The following CASK variants were observed in gnomAD, a reference collection of about 807,000 sequenced individuals.
CASK encodes calcium/calmodulin dependent serine protein kinase.
Under a neutral mutation model 82.9 loss-of-function variants are expected in CASK, and 4 were observed. That is an observed-to-expected ratio of 0.05 (90% CI 0.02 to 0.11). The LOEUF is 0.11. CASK is among the 10% of genes least tolerant of loss of function. CASK has a pLI of 1.00. For synonymous variants in CASK, 259 were observed against 253.5 expected, an observed-to-expected ratio of 1.02 and a Z score of -0.20; for missense variants, 358 against 720.9, an observed-to-expected ratio of 0.50 and a Z score of 5.76.
At chrX:41,548,168 T>C in intron 21 of CASK, among the ~76,000 whole-genome samples, 2 of 112,168 alleles carry the variant, frequency 1.8e-5, no homozygotes, top group East Asian at 5.6e-4. Context: ...TCTGCATCTA[T>C]TGATATGACT....
At chrX:41,906,914 T>C (rs1045181896) in intron 1 of CASK, among the ~76,000 whole-genome samples, 2 of 112,803 alleles carry the variant, frequency 1.8e-5, no homozygotes, top group African/African-American at 6.4e-5. Flanking sequence ...CAGAAGACAG[T>C]AAAGCTCAAA....
intron 2 of CASK, among the ~76,000 whole-genome samples, chrX:41,809,773 G>A (rs1054456270): frequency 8.1e-5 from 9 of 111,716 alleles, no homozygotes; most frequent in Admixed American, 2.8e-4. Context: ...AGAAGGCTTC[G>A]GATGATTAAA....
intron 16 of CASK, among the ~76,000 whole-genome samples, chrX:41,566,948 T>C (rs779890735): frequency 8.9e-6 from 1 of 111,914 alleles, no homozygotes; most frequent in Non-Finnish European, 1.9e-5. Context: ...TCTACAACCA[T>C]CTGATCTTTG....
At chrX:41,609,380 G>T (rs1331060563) in intron 12 of CASK, among the ~76,000 whole-genome samples, 2 of 111,871 alleles carry the variant, frequency 1.8e-5, no homozygotes, top group Non-Finnish European at 3.8e-5. Context: ...CTCCCAAAGT[G>T]CTGGGATTAC....
intron 2 of CASK, among the ~76,000 whole-genome samples, chrX:41,820,902 C>T (rs2070523915): frequency 9.0e-6 from 1 of 111,050 alleles, no homozygotes; most frequent in Non-Finnish European, 1.9e-5. Context: ...AATGGCTACC[C>T]ATGAATCTCA....
At chrX:41,694,351 G>A (rs1463602494) in intron 5 of CASK, among the ~76,000 whole-genome samples, 1 of 111,932 alleles carries the variant, frequency 8.9e-6, no homozygotes, top group Admixed American at 9.5e-5. Flanking sequence ...AGTGGCTGCT[G>A]TAGAGAAATA....
chrX:41,746,748 C>A (rs947113461), intron 3 of CASK, among the ~76,000 whole-genome samples: 2 of 111,856 alleles, frequency 1.8e-5, no homozygotes, highest in Non-Finnish European at 3.8e-5. Flanking sequence ...AGTAAAGGAA[C>A]TAACATACTT....
chrX:41,772,663 T>C (rs1362241762), intron 3 of CASK, among the ~76,000 whole-genome samples: 2 of 111,702 alleles, frequency 1.8e-5, no homozygotes, highest in African/African-American at 6.5e-5. Flanking sequence ...TTGAAAACTC[T>C]GGCCTGGATG....
chrX:41,541,349 C>T (rs758973516), intron 22 of CASK, among the ~76,000 whole-genome samples: 6 of 112,271 alleles, frequency 5.3e-5, no homozygotes, highest in Admixed American at 1.9e-4. Context: ...GCACCACCAC[C>T]GTGCCTGGCT....
At chrX:41,595,475 A>G (rs901007566) in intron 12 of CASK, among the ~76,000 whole-genome samples, 1 of 110,977 alleles carries the variant, frequency 9.0e-6, no homozygotes, top group Non-Finnish European at 1.9e-5. Flanking sequence ...TGTGGTGGTG[A>G]TTGCCTGTAG....
chrX:41,657,382 G>C (rs2066957887), intron 8 of CASK, among the ~76,000 whole-genome samples: 1 of 112,531 alleles, frequency 8.9e-6, no homozygotes, highest in African/African-American at 3.2e-5. Context: ...AAGATCAATG[G>C]AAAGCCTGCA....
At chrX:41,922,731 A>G (rs1376530911) in intron 1 of CASK, among the ~76,000 whole-genome samples, 199 bp downstream of exon 1, 11 of 111,198 alleles carry the variant, frequency 9.9e-5, no homozygotes, top group African/African-American at 3.3e-4. Flanking sequence ...GGTGGCCTCA[A>G]TGGACCGCTG....
chrX:41,876,046 A>C (rs1419276225), intron 1 of CASK, among the ~76,000 whole-genome samples: 1 of 111,703 alleles, frequency 9.0e-6, no homozygotes, highest in African/African-American at 3.2e-5. Flanking sequence ...TTACCATAGA[A>C]GCATAAAAGG....
rs73193134 is a variant in CASK, at chrX:41,734,793, C to G, written c.429+4591G>C. Among the ~76,000 whole-genome samples, 858 of 111,324 alleles carry G rather than the reference C, an allele frequency of 7.7e-3. 5 individuals carry two copies. The highest frequency in any genetic ancestry group is 0.011 in the Non-Finnish European group (604 of 53,067). ...CTACAATTCCCAGGACAGCCTCCCA[C>G]AGCAAAGAATATAGCCTGATATGTC... On this transcript the variant is annotated intron_variant, in intron 5 of 26. Coordinates refer to ENST00000378163, the MANE Select transcript of CASK (RefSeq NM_001367721.1).
intron 5 of CASK, among the ~76,000 whole-genome samples, chrX:41,694,798 C>T (rs1274726413): frequency 9.0e-6 from 1 of 111,619 alleles, no homozygotes; most frequent in Non-Finnish European, 1.9e-5. Flanking sequence ...GCCCTAAGAC[C>T]CCTACCTTGG....
At chrX:41,720,657 G>A (rs2068148149) in intron 5 of CASK, among the ~76,000 whole-genome samples, 1 of 111,227 alleles carries the variant, frequency 9.0e-6, no homozygotes, top group African/African-American at 3.3e-5. Context: ...ATTTCTAGAT[G>A]AAGCACATGG....
At chrX:41,634,605 T>C (rs1303710649) in intron 9 of CASK, among the ~76,000 whole-genome samples, 1 of 112,475 alleles carries the variant, frequency 8.9e-6, no homozygotes, top group Non-Finnish European at 1.9e-5. Context: ...CCAAGCTCTC[T>C]GGTGAAATGT....
At chrX:41,619,812 A>G (rs1365202113) in intron 11 of CASK, among the ~76,000 whole-genome samples, 1 of 112,390 alleles carries the variant, frequency 8.9e-6, no homozygotes, top group African/African-American at 3.2e-5. Flanking sequence ...AAACATACAG[A>G]AAGTTTGAAA....
At position 41,524,044 on chromosome X, in the gene CASK, G is replaced by GA. The variant is rs199560653; in HGVS notation, c.2521-11dup. On this transcript the variant is annotated splice_polypyrimidine_tract_variant and intron_variant, in intron 25 of 26. Coordinates refer to ENST00000378163, the MANE Select transcript of CASK (RefSeq NM_001367721.1). ...TCAGGACCTTCAGTGCCTGTGTTAA[G>GA]AAAAAAAAAAAAAATCCCGACTTAA... The GA allele has an allele frequency of 0.17, 128,967 of 766,441 alleles. 984 individuals are homozygous for GA. Among genetic ancestry groups the GA allele is most frequent in the African/African-American group, 0.18 (7,488 of 41,672 alleles). The allele number at this position is 766,441 out of a possible 1,213,427, so 63.2% of individuals were successfully genotyped here.
Sources: allele counts gnomAD v4.1 joint callset (sites outside exome capture counted in the v4.1 genomes callset), GRCh38; gene constraint gnomAD v4.1.1; transcripts MANE v1.5; gene names NCBI Gene and HGNC (gene_info 2026-07-23, HGNC 2026-07-21).